AHCY: variants seen among roughly 807,000 people sequenced by gnomAD.
The protein encoded by AHCY is adenosylhomocysteinase.
A neutral mutation model predicts 45.4 loss-of-function variants in AHCY; 24 were observed. The observed-to-expected ratio is 0.53, with a 90% CI of 0.38 to 0.74. The LOEUF is 0.74. Ranked by LOEUF, AHCY falls within the 30% of genes least tolerant of loss-of-function variation. The probability of loss-of-function intolerance (pLI) is 0.00; values close to 1 mark genes in which losing one functional copy is unlikely to be tolerated. For synonymous variants in AHCY, 245 were observed against 235.1 expected, an observed-to-expected ratio of 1.04 and a Z score of -0.39; for missense variants, 449 against 594.1, an observed-to-expected ratio of 0.76 and a Z score of 2.54.
At chr20:34,279,402 A>G (rs1483200726), downstream of AHCY, among the ~76,000 whole-genome samples, 1 of 151,402 alleles carries the variant, frequency 6.6e-6, no homozygotes, top group Non-Finnish European at 1.5e-5. Flanking sequence ...CTGCCTGGGC[A>G]ACAGAGCGAG....
At chr20:34,269,435 C>A in the AHCY span, 1 of 449,520 alleles carries the variant, frequency 2.2e-6, no homozygotes, top group South Asian at 4.2e-5. Flanking sequence ...GCTCAGGAAA[C>A]CCGGGCGTCC....
upstream of AHCY, among the ~76,000 whole-genome samples, chr20:34,304,900 C>G (rs2036876838): frequency 6.6e-6 from 1 of 151,784 alleles, no homozygotes; most frequent in Non-Finnish European, 1.5e-5. Flanking sequence ...ATTGGTCAGG[C>G]TAATCTCGAA....
Position 34,290,742 on chromosome 20 carries a change from G to A in AHCY, c.755C>T (p.Ala252Val). The part of the protein sequence containing the change: ...TEIDPINALQ[A>V]AMEGYEVTTM... ...TTGCCCTATCCTACCCTCCATGGCA[G>A]CCTGCAGTGCGTTGATGGGGTCAAT... The change falls in exon 6 of 10, where the codon GCT becomes GTT. Residue 252 changes from alanine (A) to valine (V), a missense_variant. By Grantham distance (64) the Ala-to-Val change is moderately conservative. Transcript: ENST00000217426. The surrounding 1 kb of genome is among the most constrained non-coding windows in gnomAD (Gnocchi z 4.5). 6.2e-7 allele frequency: 1 copy of A among 1,613,862 alleles called. No individual in the cohort carries two copies. The highest frequency in any genetic ancestry group is 8.5e-7 in the Non-Finnish European group (1 of 1,179,998).
At chr20:34,308,499 A>C (rs1166245783) in intron 1 of AHCY, among the ~76,000 whole-genome samples, 1 of 152,132 alleles carries the variant, frequency 6.6e-6, no homozygotes, top group Non-Finnish European at 1.5e-5. Flanking sequence ...GCAGTGAGCC[A>C]AGATTATGCC....
chr20:34,235,833 GAAA>G, the AHCY span, among the ~76,000 whole-genome samples: 27 of 63,112 alleles, frequency 4.3e-4, no homozygotes, highest in African/African-American at 4.0e-3. Flanking sequence ...AAGAAAGAAA[GAAA>G]GAAAGAAGGA....
chr20:34,269,141 TGCCGCGTGCTCAG>T, the AHCY span: 1 of 1,549,128 alleles, frequency 6.5e-7, no homozygotes, highest in South Asian at 1.2e-5. Context: ...CGCCTGCTCC[TGCCGCGTGCTCAG>T]CCTCAACTGC....
At chr20:34,269,822 A>G in the AHCY span, among the ~76,000 whole-genome samples, 1 of 150,916 alleles carries the variant, frequency 6.6e-6, no homozygotes, top group Non-Finnish European at 1.5e-5. Flanking sequence ...CGCATGCGGT[A>G]AATCTCAGCT....
At chr20:34,243,925 C>T in the AHCY span, among the ~76,000 whole-genome samples, 5 of 152,020 alleles carry the variant, frequency 3.3e-5, no homozygotes, top group South Asian at 2.1e-4. Flanking sequence ...ATTAACCGGG[C>T]GTGGTGGCGG....
the AHCY span, chr20:34,245,876 GTA>G: frequency 1.0e-6 from 1 of 966,808 alleles, no homozygotes; most frequent in Non-Finnish European, 1.4e-6. Context: ...ATATATATAT[GTA>G]TATATAAAGG....
chr20:34,255,384 C>G, the AHCY span, among the ~76,000 whole-genome samples: 1 of 152,028 alleles, frequency 6.6e-6, no homozygotes, highest in Non-Finnish European at 1.5e-5. Flanking sequence ...CTCAACCTCC[C>G]AGGTTCAAGC....
At chr20:34,285,690 C>A (rs1194187761) in intron 8 of AHCY, 56 bp from the exon 9 acceptor site, 11 of 1,594,236 alleles carry the variant, frequency 6.9e-6, no homozygotes, top group African/African-American at 1.3e-5. Context: ...CCACAGCCCA[C>A]CCTCTGATCT....
At chr20:34,233,731 A>G in the AHCY span, among the ~76,000 whole-genome samples, 7 of 152,326 alleles carry the variant, frequency 4.6e-5, no homozygotes, top group African/African-American at 1.7e-4. Context: ...TATTATCACC[A>G]TCCAGAAAGC....
At chr20:34,246,004 C>A in the AHCY span, 3 of 1,136,734 alleles carry the variant, frequency 2.6e-6, no homozygotes, top group African/African-American at 1.5e-5. Flanking sequence ...CTACTTCTGG[C>A]CATTTTTCTG....
chr20:34,306,912 G>C (rs1276632181), upstream of AHCY, among the ~76,000 whole-genome samples: 1 of 152,136 alleles, frequency 6.6e-6, no homozygotes, highest in Non-Finnish European at 1.5e-5. Flanking sequence ...ATTAGGTAGG[G>C]GACGGGAGCA....
chr20:34,283,683 T>C (rs1357261420), intron 9 of AHCY, among the ~76,000 whole-genome samples: 1 of 152,176 alleles, frequency 6.6e-6, no homozygotes, highest in African/African-American at 2.4e-5. Flanking sequence ...GGGGATCAAG[T>C]GAGAATCTTT....
chr20:34,257,065 T>C, the AHCY span, among the ~76,000 whole-genome samples: 2 of 88,916 alleles, frequency 2.2e-5, no homozygotes, highest in African/African-American at 1.4e-4. Flanking sequence ...TCTCTCTTTC[T>C]TTCTCTTTTT....
chr20:34,260,259 C>G, the AHCY span: 2 of 1,183,642 alleles, frequency 1.7e-6, no homozygotes, highest in Non-Finnish European at 2.4e-6. Context: ...AGGACACTTG[C>G]CTAACAGGGT....
At chr20:34,292,820 C>T (rs1411398158) in intron 3 of AHCY, among the ~76,000 whole-genome samples, 4 of 152,200 alleles carry the variant, frequency 2.6e-5, no homozygotes, top group Middle Eastern at 3.2e-3. Flanking sequence ...TACAGCCCCC[C>T]GCCCCAGATA....
chr20:34,308,247 C>A (rs1026409287), upstream of AHCY, among the ~76,000 whole-genome samples: 1 of 152,116 alleles, frequency 6.6e-6, no homozygotes. Flanking sequence ...GTGAATAGTA[C>A]CTGTTAAATT....
Sources: allele counts gnomAD v4.1 joint callset (sites outside exome capture counted in the v4.1 genomes callset), GRCh38; gene constraint gnomAD v4.1.1; non-coding constraint Gnocchi (gnomAD v3.1); transcripts MANE v1.5; gene names NCBI Gene and HGNC (gene_info 2026-07-23, HGNC 2026-07-21).